The following RTN1 variants were observed in gnomAD, a reference collection of about 807,000 sequenced individuals.
RTN1 encodes reticulon 1.
A neutral mutation model predicts 65.5 loss-of-function variants in RTN1; 25 were observed. The observed-to-expected ratio is 0.38, with a 90% CI of 0.28 to 0.53. RTN1 has a LOEUF of 0.53. Among genes scored for constraint, RTN1 ranks in the 20% least tolerant of loss-of-function variants. RTN1 has a pLI of 0.79. For missense variants in RTN1, 983 were observed against 1,025.4 expected (o/e 0.96, Z 0.57); for synonymous variants, 471 against 447.6 (o/e 1.05, Z -0.66).
intron 1 of RTN1, among the ~76,000 whole-genome samples, chr14:59,824,474 T>C (rs1886996475): frequency 6.6e-6 from 1 of 152,222 alleles, no homozygotes; most frequent in Non-Finnish European, 1.5e-5. Flanking sequence ...TGATTCACAA[T>C]CATTTCCTAA....
At chr14:59,603,951 T>C (rs1223575634) in intron 5 of RTN1, 30 bp from the exon 6 acceptor site, 1 of 1,577,642 alleles carries the variant, frequency 6.3e-7, no homozygotes, top group South Asian at 1.1e-5. Flanking sequence ...TTAGAGCTCC[T>C]AAAACCCTTC....
chr14:59,869,583 G>C (rs889100275), intron 1 of RTN1, among the ~76,000 whole-genome samples: 5 of 129,076 alleles, frequency 3.9e-5, no homozygotes, highest in South Asian at 5.7e-4. Flanking sequence ...CCGGGGTGGG[G>C]GGGGGGGGGC....
At chr14:59,675,945 T>C (rs1883617955) in intron 3 of RTN1, among the ~76,000 whole-genome samples, 1 of 152,170 alleles carries the variant, frequency 6.6e-6, no homozygotes, top group Admixed American at 6.5e-5. Context: ...CTTTCAATCC[T>C]CCAAGACAAC....
At chr14:59,773,167 G>C (rs941057363) in intron 1 of RTN1, among the ~76,000 whole-genome samples, 1 of 152,050 alleles carries the variant, frequency 6.6e-6, no homozygotes, top group African/African-American at 2.4e-5. Context: ...GAAGTAGCTT[G>C]TCATCTAAGA....
At position 59,836,217 on chromosome 14, in the gene RTN1, G is replaced by A. The variant is rs1450951792; in HGVS notation, c.241+34173C>T. Among the ~76,000 whole-genome samples, 1 of 152,206 alleles carries A rather than the reference G, an allele frequency of 6.6e-6. No individual in the cohort carries two copies. Among genetic ancestry groups the A allele is most frequent in the Non-Finnish European group, 1.5e-5 (1 of 68,028 alleles). On this transcript the variant is annotated intron_variant, in intron 1 of 8. Coordinates refer to ENST00000267484, the MANE Select transcript of RTN1 (RefSeq NM_021136.3). This position sits in a 1 kb window ranked among gnomAD's most constrained non-coding sequence, Gnocchi z 4.9. The stretch of plus-strand genomic sequence containing the variant: ...GCCAGATAAGGTAACATATTCACAG[G>A]TTCCAGGGATTAGACGTGGACACCT...
At chr14:59,856,582 G>A (rs1365607660) in intron 1 of RTN1, among the ~76,000 whole-genome samples, 1 of 152,098 alleles carries the variant, frequency 6.6e-6, no homozygotes, top group African/African-American at 2.4e-5. Flanking sequence ...ATCAGGACAT[G>A]GGAAACGCAG....
At chr14:59,603,801 G>T (rs759830246) in intron 6 of RTN1, 51 bp downstream of exon 6, 3 of 1,467,024 alleles carry the variant, frequency 2.0e-6, no homozygotes, top group Non-Finnish European at 2.9e-6. Flanking sequence ...AGGAAGCAGC[G>T]TTTTCACAGA....
intron 1 of RTN1, among the ~76,000 whole-genome samples, chr14:59,781,967 G>T (rs980016840): frequency 1.1e-4 from 16 of 152,054 alleles, no homozygotes; most frequent in Non-Finnish European, 1.0e-4. Flanking sequence ...ATTCCCAAGC[G>T]ATGGTATGAG....
chr14:59,670,464 C>T (rs935807699), intron 3 of RTN1, among the ~76,000 whole-genome samples: 1 of 152,202 alleles, frequency 6.6e-6, no homozygotes, highest in African/African-American at 2.4e-5. Flanking sequence ...AAAGTTAGAG[C>T]TCTGCTCCAA....
At chr14:59,747,800 A>T (rs1237877697) in intron 1 of RTN1, among the ~76,000 whole-genome samples, 5 of 152,140 alleles carry the variant, frequency 3.3e-5, no homozygotes, top group African/African-American at 1.2e-4. Flanking sequence ...CTACATCTAC[A>T]TACAAACACA....
At chr14:59,764,738 T>C (rs375825691) in intron 1 of RTN1, among the ~76,000 whole-genome samples, 1 of 152,152 alleles carries the variant, frequency 6.6e-6, no homozygotes, top group Non-Finnish European at 1.5e-5. Context: ...ACAACAGATA[T>C]TATTTGGAGA....
Position 59,830,982 on chromosome 14 carries a change from A to G in RTN1, c.241+39408T>C, listed in dbSNP as rs77639639. Reference sequence around the variant, plus strand: ...ATGAAAAGATGTAAGTATGTTTTAGATCAGTTTCCCAATGAGAATGAGTTT... The same window carrying G: ...ATGAAAAGATGTAAGTATGTTTTAGGTCAGTTTCCCAATGAGAATGAGTTT... On this transcript the variant is annotated intron_variant, in intron 1 of 8. Coordinates refer to ENST00000267484, the MANE Select transcript of RTN1 (RefSeq NM_021136.3). Among the ~76,000 whole-genome samples, 516 of 152,332 alleles carry G rather than the reference A, an allele frequency of 3.4e-3. 19 individuals are homozygous for G. In the East Asian group the frequency reaches 0.059, roughly 17 times the overall value.
intron 1 of RTN1, among the ~76,000 whole-genome samples, chr14:59,763,661 T>C (rs973370935): frequency 2.2e-4 from 34 of 151,450 alleles, no homozygotes; most frequent in Admixed American, 1.7e-3. Context: ...GCCTCCTGAG[T>C]ACCTGGGACT....
At chr14:59,859,712 T>G (rs1887673660) in intron 1 of RTN1, among the ~76,000 whole-genome samples, 1 of 152,232 alleles carries the variant, frequency 6.6e-6, no homozygotes, top group Admixed American at 6.5e-5. Flanking sequence ...AAAAGCCTGA[T>G]AGCAATATGG....
intron 1 of RTN1, among the ~76,000 whole-genome samples, chr14:59,760,562 A>G (rs923884428): frequency 6.6e-6 from 1 of 152,246 alleles, no homozygotes; most frequent in Non-Finnish European, 1.5e-5. Context: ...AGAGTGTTGC[A>G]CAAACTATGA....
intron 1 of RTN1, among the ~76,000 whole-genome samples, chr14:59,767,861 A>G (rs1234168836): frequency 6.6e-6 from 1 of 152,220 alleles, no homozygotes; most frequent in African/African-American, 2.4e-5. Flanking sequence ...CAGCCCTAGC[A>G]TAGTATCTGA....
At chr14:59,600,963 G>T (rs1345313202) in intron 8 of RTN1, among the ~76,000 whole-genome samples, 1 of 152,020 alleles carries the variant, frequency 6.6e-6, no homozygotes, top group Non-Finnish European at 1.5e-5. Flanking sequence ...CACATCTCTA[G>T]TCTCTCCCCT....
chr14:59,640,486 T>G (rs577337374), intron 3 of RTN1, among the ~76,000 whole-genome samples: 38 of 152,124 alleles, frequency 2.5e-4, no homozygotes, highest in African/African-American at 9.2e-4. Flanking sequence ...ACAGCTGATT[T>G]TTGTATTTTT....
intron 3 of RTN1, among the ~76,000 whole-genome samples, chr14:59,693,343 C>CT (rs966174835): frequency 1.3e-5 from 2 of 152,112 alleles, no homozygotes; most frequent in Non-Finnish European, 2.9e-5. Flanking sequence ...CTGGTTTTTA[C>CT]TTTTTTATTT....
Sources: gnomAD v4.1 joint callset for allele counts (sites outside exome capture counted in the v4.1 genomes callset) on GRCh38, gnomAD v4.1.1 for gene constraint, Gnocchi (gnomAD v3.1) non-coding constraint, MANE v1.5 for transcripts, NCBI Gene and HGNC (gene_info 2026-07-23, HGNC 2026-07-21) for gene names.